Variants in FER observed in about 807,000 individuals in gnomAD.
FER encodes the protein tyrosine-protein kinase Fer.
A neutral mutation model predicts 111.0 loss-of-function variants in FER; 63 were observed. The ratio of observed to expected loss-of-function variants is 0.57; its 90% CI spans 0.46 to 0.70. The LOEUF (loss-of-function observed/expected upper bound fraction) is 0.70. Among genes scored for constraint, FER ranks in the 30% least tolerant of loss-of-function variants. The pLI, the probability that FER is intolerant of heterozygous loss-of-function variation, is 0.00. For synonymous variants in FER, 327 were observed against 313.9 expected, an observed-to-expected ratio of 1.04 and a Z score of -0.44; for missense variants, 914 against 954.0, an observed-to-expected ratio of 0.96 and a Z score of 0.55.
At chr5:108,769,965 T>TG (rs1752717232) in intron 2 of FER, among the ~76,000 whole-genome samples, 1 of 152,194 alleles carries the variant, frequency 6.6e-6, no homozygotes, top group Admixed American at 6.5e-5. Context: ...GATTTTTTTT[T>TG]GAGACGGAGC....
chr5:108,902,938 T>G (rs1750247209), intron 10 of FER, among the ~76,000 whole-genome samples: 1 of 151,602 alleles, frequency 6.6e-6, no homozygotes, highest in South Asian at 2.1e-4. Context: ...TTAAGAGACA[T>G]GTTCTTCATT....
chr5:108,964,492 T>C (rs1759545238), intron 13 of FER, among the ~76,000 whole-genome samples: 1 of 152,172 alleles, frequency 6.6e-6, no homozygotes, highest in Admixed American at 6.6e-5. Flanking sequence ...TGACTGTCTA[T>C]TCTCCTTGTG....
intron 13 of FER, among the ~76,000 whole-genome samples, chr5:108,976,016 A>G (rs1206110255): frequency 6.6e-6 from 1 of 152,224 alleles, no homozygotes; most frequent in African/African-American, 2.4e-5. Flanking sequence ...TCTGGAATTT[A>G]GAAGCAACCT....
intron 1 of FER, among the ~76,000 whole-genome samples, chr5:108,753,444 A>C (rs997250682): frequency 1.3e-5 from 2 of 152,090 alleles, no homozygotes; most frequent in African/African-American, 4.8e-5. Context: ...TTTAACTCCA[A>C]AATATCTCCA....
chr5:109,083,206 G>A lies in FER; in HGVS notation c.1925-17190G>A, dbSNP rs768117667. 1.8e-3 allele frequency among the ~76,000 whole-genome samples: 270 copies of A among 152,034 alleles called. 1 individual carries two copies. The highest frequency in any genetic ancestry group is 5.8e-3 in the African/African-American group (240 of 41,500). Reference sequence around the variant, plus strand: ...AGAAAGCTCTTCATTTATTGAAAGCGGCTTTGATATCTATCCAAATATTTT... The same window carrying A: ...AGAAAGCTCTTCATTTATTGAAAGCAGCTTTGATATCTATCCAAATATTTT... On this transcript the variant is annotated intron_variant, in intron 16 of 19. Coordinates refer to ENST00000281092, the MANE Select transcript of FER (RefSeq NM_005246.4).
At chr5:108,829,146 TCCCA>T (rs892843071) in intron 3 of FER, among the ~76,000 whole-genome samples, 8 of 152,344 alleles carry the variant, frequency 5.3e-5, no homozygotes, top group African/African-American at 1.9e-4. Context: ...TTAACAAATA[TCCCA>T]CCCACCCAGC....
In FER at chr5:108,832,744, T is replaced by C. The variant is rs560549061; in HGVS notation, c.208-26T>C. 4 of 1,442,154 alleles carry C rather than the reference T, an allele frequency of 2.8e-6. No individual in the cohort carries two copies. The East Asian group carries it at 7.4e-5, about 27-fold the overall frequency. 89.3% of individuals were successfully genotyped at this position (1,442,154 alleles called of 1,614,324 possible). A position where few individuals can be genotyped will look rare whatever the true frequency, so the allele number is the denominator to read the frequency against. ...AAATGGAAACCTTTAATGCAAATGT[T>C]TGTTTCTTTTTTTTTTTTTTTTAAG... On this transcript the variant is annotated intron_variant, in intron 3 of 19. Transcript: ENST00000281092.
intron 3 of FER, among the ~76,000 whole-genome samples, chr5:108,804,050 C>G (rs1756948006): frequency 6.6e-6 from 1 of 152,020 alleles, no homozygotes; most frequent in Admixed American, 6.6e-5. Flanking sequence ...CTTTTATTTT[C>G]TTGGTTAAAT....
At chr5:109,071,234 A>T (rs1249864049) in intron 16 of FER, among the ~76,000 whole-genome samples, 1 of 151,990 alleles carries the variant, frequency 6.6e-6, no homozygotes, top group African/African-American at 2.4e-5. Context: ...AGAGTTTCTC[A>T]GTCTATCCTT....
chr5:109,170,420 C>CA (rs1276407520), intron 17 of FER, among the ~76,000 whole-genome samples: 2 of 152,110 alleles, frequency 1.3e-5, no homozygotes, highest in Admixed American at 1.3e-4. Flanking sequence ...GAACACTAAA[C>CA]ACTGTGGAAA....
intron 10 of FER, among the ~76,000 whole-genome samples, chr5:108,917,378 A>G (rs1187132647): frequency 1.3e-5 from 2 of 152,222 alleles, no homozygotes; most frequent in Non-Finnish European, 2.9e-5. Flanking sequence ...TATGGGGAGT[A>G]AAACAAGCAT....
intron 10 of FER, among the ~76,000 whole-genome samples, chr5:108,930,193 G>A (rs1041827912): frequency 1.3e-5 from 2 of 150,852 alleles, no homozygotes; most frequent in African/African-American, 2.4e-5. Flanking sequence ...AAAATGTTTT[G>A]TAGAGACACA....
At chr5:108,941,848 C>T in intron 10 of FER, among the ~76,000 whole-genome samples, 1 of 152,122 alleles carries the variant, frequency 6.6e-6, no homozygotes, top group Non-Finnish European at 1.5e-5. Context: ...GTGTTGGCTA[C>T]ATGTTGTTAA....
At position 109,196,342 on chromosome 5, in the gene FER, A is replaced by T. The variant is rs1582487908; in HGVS notation, c.*8767A>T. 1 of 152,218 alleles carries T rather than the reference A, an allele frequency of 6.6e-6. No homozygotes were observed. Among genetic ancestry groups the T allele is most frequent in the African/African-American group, 2.4e-5 (1 of 41,442 alleles). The allele number at this position is 152,218 out of a possible 1,614,324, so 9.4% of individuals were successfully genotyped here. ...CACCTGCAAGCAGCATTTTGAGTAA[A>T]GCACTGCTGTGGTTTGCCGATTTAT... On this transcript the variant is annotated 3_prime_UTR_variant, in exon 20 of 20. Transcript: ENST00000281092.
chr5:109,106,687 G>A (rs1445373757), intron 17 of FER, among the ~76,000 whole-genome samples: 7 of 152,032 alleles, frequency 4.6e-5, no homozygotes, highest in Middle Eastern at 6.3e-3. Flanking sequence ...TAATGTAAGT[G>A]AACACCTTTA....
chr5:108,886,131 A>G (rs377523976), intron 9 of FER, among the ~76,000 whole-genome samples: 40 of 151,918 alleles, frequency 2.6e-4, no homozygotes, highest in Middle Eastern at 6.8e-3. Flanking sequence ...ATGTCTGGCT[A>G]TAAGTTGTTG....
intron 16 of FER, among the ~76,000 whole-genome samples, chr5:109,073,426 T>C (rs1775985099): frequency 6.6e-6 from 1 of 152,104 alleles, no homozygotes; most frequent in Admixed American, 6.6e-5. Flanking sequence ...TATTTAAGGA[T>C]AATATGAGCT....
chr5:108,857,148 A>G (rs1169621437), intron 5 of FER, among the ~76,000 whole-genome samples: 5 of 152,094 alleles, frequency 3.3e-5, no homozygotes, highest in Admixed American at 1.3e-4. Context: ...TGTGGTGCAT[A>G]CATATATATG....
At chr5:109,025,597 T>G (rs550843950) in intron 13 of FER, among the ~76,000 whole-genome samples, 1 of 150,880 alleles carries the variant, frequency 6.6e-6, no homozygotes, top group African/African-American at 2.4e-5. Flanking sequence ...CTTTTCCTAA[T>G]TGAATACCCT....
Sources: allele counts gnomAD v4.1 joint callset (sites outside exome capture counted in the v4.1 genomes callset), GRCh38; gene constraint gnomAD v4.1.1; transcripts MANE v1.5; gene names NCBI Gene and HGNC (gene_info 2026-07-23, HGNC 2026-07-21).